Variants in LYPLAL1 observed in about 807,000 individuals in gnomAD.
The protein encoded by LYPLAL1 is lysophospholipase like 1.
A neutral mutation model predicts 19.7 loss-of-function variants in LYPLAL1; 23 were observed. The ratio of observed to expected loss-of-function variants is 1.17; its 90% CI spans 0.84 to 1.65. The LOEUF (loss-of-function observed/expected upper bound fraction) is 1.65. LYPLAL1 is among the 40% of genes most tolerant of loss of function. The pLI is 0.00. For missense variants in LYPLAL1, 355 were observed against 279.4 expected, an observed-to-expected ratio of 1.27 and a Z score of -1.93; for synonymous variants, 119 against 96.3, an observed-to-expected ratio of 1.24 and a Z score of -1.38.
chr1:219,340,458 G>A, the LYPLAL1 span, among the ~76,000 whole-genome samples: 2 of 152,038 alleles, frequency 1.3e-5, no homozygotes, highest in Non-Finnish European at 2.9e-5. Flanking sequence ...AACCAATTAA[G>A]AGGATGGGAT....
chr1:219,277,912 G>GAGA, the LYPLAL1 span, among the ~76,000 whole-genome samples: 69,312 of 151,666 alleles, frequency 0.46, 16,231 homozygotes, highest in East Asian at 0.69. Context: ...TGTTTCCAAG[G>GAGA]AGAAGAAGTT....
At chr1:219,441,740 G>C in the LYPLAL1 span, among the ~76,000 whole-genome samples, 2 of 152,150 alleles carry the variant, frequency 1.3e-5, no homozygotes, top group Non-Finnish European at 2.9e-5. Flanking sequence ...GACAGAGAAA[G>C]AGCCACTGCC....
In LYPLAL1 at chr1:219,208,167, G is replaced by A. The variant is rs537984666; in HGVS notation, c.362-2365G>A. Among the ~76,000 whole-genome samples, 173 of 152,124 alleles carry A rather than the reference G, an allele frequency of 1.1e-3. 1 individual carries two copies. Among genetic ancestry groups the A allele is most frequent in the African/African-American group, 3.3e-3 (138 of 41,524 alleles). The stretch of plus-strand genomic sequence containing the variant: ...GTAAGCTCTATTCTGTGAACTTTTA[G>A]GAAAGCTAGAATTGTGTTCTGAGAG... On this transcript the variant is annotated intron_variant, in intron 3 of 4. Coordinates refer to ENST00000366928, the MANE Select transcript of LYPLAL1 (RefSeq NM_138794.5).
chr1:219,321,727 T>G, the LYPLAL1 span, among the ~76,000 whole-genome samples: 1 of 152,102 alleles, frequency 6.6e-6, no homozygotes, highest in East Asian at 1.9e-4. Flanking sequence ...GTTTGACAAG[T>G]TCTCAAGATT....
chr1:219,218,428 G>A, the LYPLAL1 span, among the ~76,000 whole-genome samples: 1 of 151,836 alleles, frequency 6.6e-6, no homozygotes, highest in Admixed American at 6.6e-5. Context: ...GCAGCCCACA[G>A]GCCACATGTG....
chr1:219,430,629 A>G, the LYPLAL1 span, among the ~76,000 whole-genome samples: 1 of 152,202 alleles, frequency 6.6e-6, no homozygotes, highest in East Asian at 1.9e-4. Flanking sequence ...ATTCTTTCTT[A>G]TTCCATGTCT....
At chr1:219,208,007 TTC>T (rs1395414655) in intron 3 of LYPLAL1, among the ~76,000 whole-genome samples, 3 of 152,054 alleles carry the variant, frequency 2.0e-5, no homozygotes, top group African/African-American at 7.2e-5. Context: ...CTCTCTCACA[TTC>T]TCTCCTATTT....
the LYPLAL1 span, among the ~76,000 whole-genome samples, chr1:219,374,378 CGTCCA>C: frequency 6.6e-6 from 1 of 151,998 alleles, no homozygotes; most frequent in Admixed American, 6.6e-5. Flanking sequence ...CCCACAGAGA[CGTCCA>C]GTGCCTGGGA....
chr1:219,201,547 A>G (rs1328469244), intron 3 of LYPLAL1, among the ~76,000 whole-genome samples: 3 of 151,822 alleles, frequency 2.0e-5, no homozygotes, highest in African/African-American at 7.2e-5. Context: ...ATGAAATTAT[A>G]AAATCTAAGA....
At chr1:219,410,814 G>A in the LYPLAL1 span, among the ~76,000 whole-genome samples, 1 of 152,246 alleles carries the variant, frequency 6.6e-6, no homozygotes, top group Non-Finnish European at 1.5e-5. Context: ...TGTGGAGGGT[G>A]TACTGAGTCC....
At chr1:219,381,355 A>G in the LYPLAL1 span, among the ~76,000 whole-genome samples, 1 of 152,142 alleles carries the variant, frequency 6.6e-6, no homozygotes, top group African/African-American at 2.4e-5. Context: ...TTTATAAATT[A>G]CCCAGTCTCA....
the LYPLAL1 span, among the ~76,000 whole-genome samples, chr1:219,364,110 C>G: frequency 2.6e-5 from 4 of 152,030 alleles, no homozygotes; most frequent in Non-Finnish European, 5.9e-5. Flanking sequence ...ATCTTGGGAC[C>G]CTGAGGGGAT....
chr1:219,329,077 T>C, the LYPLAL1 span, among the ~76,000 whole-genome samples: 1 of 152,102 alleles, frequency 6.6e-6, no homozygotes, highest in Non-Finnish European at 1.5e-5. Flanking sequence ...TTTTTTCTGT[T>C]CCTTCTCCAT....
At chr1:219,196,216 G>T (rs1657590100) in intron 3 of LYPLAL1, among the ~76,000 whole-genome samples, 1 of 152,034 alleles carries the variant, frequency 6.6e-6, no homozygotes, top group African/African-American at 2.4e-5. Flanking sequence ...TGGGTCAGAT[G>T]GTATTTCCGG....
In LYPLAL1 at chr1:219,173,925, G is replaced by T. The variant is rs760384387; in HGVS notation, c.35G>T (p.Cys12Phe). The T allele has an allele frequency of 3.7e-6, 6 of 1,613,800 alleles. No homozygotes were observed. The South Asian group carries it at 5.5e-5, about 15-fold the overall frequency. The change falls in exon 1 of 5, where the codon TGT (cysteine) becomes TTT (phenylalanine). Residue 12 changes from cysteine to phenylalanine, a missense_variant. By Grantham distance (205) the Cys-to-Phe change is radical. Transcript: ENST00000366928. Reference sequence around the variant, plus strand: ...GCGTCGGGGTCGGTTCTGCAGCGCTGTATCGTGTCGCCGGCAGGGAGGCAT... The same window carrying T: ...GCGTCGGGGTCGGTTCTGCAGCGCTTTATCGTGTCGCCGGCAGGGAGGCAT... ...AAASGSVLQRCIVSPAGRHSA... is the reference protein window; with the variant it reads ...AAASGSVLQRFIVSPAGRHSA...
chr1:219,326,409 A>G, the LYPLAL1 span, among the ~76,000 whole-genome samples: 3 of 152,092 alleles, frequency 2.0e-5, no homozygotes, highest in African/African-American at 7.2e-5. Flanking sequence ...GCTTAATGTC[A>G]TATTAGTTTG....
At chr1:219,178,101 G>A (rs1655971644) in intron 1 of LYPLAL1, among the ~76,000 whole-genome samples, 1 of 152,100 alleles carries the variant, frequency 6.6e-6, no homozygotes, top group Admixed American at 6.6e-5. Context: ...TGTCAGTCCT[G>A]TTCTAGGCAC....
chr1:219,262,648 G>C, the LYPLAL1 span, among the ~76,000 whole-genome samples: 1 of 152,140 alleles, frequency 6.6e-6, no homozygotes, highest in East Asian at 1.9e-4. Context: ...CTCTGAGCTG[G>C]TACTAGGAAA....
At chr1:219,439,866 C>A in the LYPLAL1 span, among the ~76,000 whole-genome samples, 1 of 150,670 alleles carries the variant, frequency 6.6e-6, no homozygotes, top group Non-Finnish European at 1.5e-5. Context: ...AGGACAAAAG[C>A]AAACTAAAAC....
Sources: gnomAD v4.1 joint callset for allele counts (sites outside exome capture counted in the v4.1 genomes callset) on GRCh38, gnomAD v4.1.1 for gene constraint, MANE v1.5 for transcripts, NCBI Gene and HGNC (gene_info 2026-07-23, HGNC 2026-07-21) for gene names.